SIAE: variants seen among roughly 807,000 people sequenced by gnomAD.
SIAE encodes sialate O-acetylesterase.
SIAE carries 39 observed loss-of-function variants against 52.6 expected under a neutral mutation model. The observed-to-expected ratio is 0.74, with a 90% confidence interval of 0.57 to 0.97. The LOEUF is 0.97. SIAE is among the 50% of genes least tolerant of loss of function. The pLI is 0.00. For synonymous variants in SIAE, 233 were observed against 241.4 expected (o/e 0.97, Z 0.32); for missense variants, 592 against 662.1 (o/e 0.89, Z 1.16).
At chr11:124,675,521 G>C, upstream of SIAE, 5 of 1,258,640 alleles carry the variant, frequency 4.0e-6, no homozygotes, top group Non-Finnish European at 5.5e-6. Flanking sequence ...AGCCTTTTAT[G>C]AGGCAGGGAG....
chr11:124,655,597 C>T (rs1943086963), intron 3 of SIAE, among the ~76,000 whole-genome samples: 1 of 152,170 alleles, frequency 6.6e-6, no homozygotes, highest in Admixed American at 6.5e-5. Flanking sequence ...ACAGCTCAGA[C>T]ATGACTGTTG....
At chr11:124,639,932 G>A (rs1206944987) in intron 7 of SIAE, 65 bp from the exon 8 acceptor site, 32 of 1,558,310 alleles carry the variant, frequency 2.1e-5, no homozygotes, top group Admixed American at 5.0e-5. Context: ...TTTTTCACTG[G>A]CAGACTCTGC....
rs1942695633 is a variant in SIAE at position 124,635,096 on chromosome 11, G to A, written c.*1855C>T. On this transcript the variant is annotated 3_prime_UTR_variant, in exon 10 of 10. Transcript: ENST00000263593. The stretch of plus-strand genomic sequence containing the variant: ...CTATGTACTCTAGGTTCCTGGAGGT[G>A]AAAGGAATCTGGACTTAGAGTTCTT... 1 of 152,216 alleles carries A rather than the reference G, an allele frequency of 6.6e-6. No homozygotes were observed. The allele number at this position is 152,216 out of a possible 1,614,324, so 9.4% of individuals were successfully genotyped here. A position where few individuals can be genotyped will look rare whatever the true frequency, so the allele number is the denominator to read the frequency against.
At chr11:124,643,024 G>T (rs1942873451) in intron 7 of SIAE, among the ~76,000 whole-genome samples, 5 of 152,164 alleles carry the variant, frequency 3.3e-5, no homozygotes, top group Non-Finnish European at 7.3e-5. Flanking sequence ...ACCCTCAGCA[G>T]AAGATCCAGC....
At chr11:124,659,847 CTA>C (rs1943160391) in intron 3 of SIAE, 1 of 151,942 alleles carries the variant, frequency 6.6e-6, no homozygotes, top group South Asian at 2.1e-4. Flanking sequence ...ATAGAAAAAA[CTA>C]AGAAACAGAA....
rs75540451 is a variant in SIAE, at chr11:124,668,700, G to A, written c.229+660C>T. Among the ~76,000 whole-genome samples, 1,067 of 152,238 alleles carry A rather than the reference G, an allele frequency of 7.0e-3. 4 individuals are homozygous for A. The highest frequency in any genetic ancestry group is 0.012 in the Non-Finnish European group (814 of 68,012). On this transcript the variant is annotated intron_variant, in intron 2 of 9. Transcript: ENST00000263593. ...ATTACATGTCCAAGATTATTCAGCC[G>A]TATAAATGACAGAATCAGGGCCTGA...
At position 124,654,533 on chromosome 11, in the gene SIAE, G is replaced by A. The variant is rs552691497; in HGVS notation, c.544+122C>T. 3.0e-5 allele frequency: 48 copies of A among 1,598,042 alleles called. No individual in the cohort carries two copies. In the South Asian group the frequency reaches 5.2e-4, roughly 17 times the overall value. ...ATCAGGAAGGATGAAGAGTCAATAA[G>A]AAAGGAATAAAAGGCATGAGTAATA... On this transcript the variant is annotated intron_variant, in intron 4 of 9. Transcript: ENST00000263593.
chr11:124,643,855 A>AT lies in SIAE; in HGVS notation c.966+3509dup, dbSNP rs143408463. On this transcript the variant is annotated intron_variant, in intron 7 of 9. Transcript: ENST00000263593. The stretch of plus-strand genomic sequence containing the variant: ...GGAAGCAGTCTGGGCCAGCAACAAC[A>AT]TTTTTTTTTGACTCCATTTCAAAAT... Among the ~76,000 whole-genome samples, 111 of 151,052 alleles carry AT rather than the reference A, an allele frequency of 7.3e-4. No homozygotes were observed. In the East Asian group the frequency reaches 7.8e-3, roughly 11 times the overall value.
At chr11:124,668,764 G>C (rs187506470) in intron 2 of SIAE, among the ~76,000 whole-genome samples, 2 of 152,300 alleles carry the variant, frequency 1.3e-5, no homozygotes, top group East Asian at 3.9e-4. Context: ...CCAATATGAA[G>C]TCTTACATTC....
chr11:124,636,834 C>G lies in SIAE; in HGVS notation c.*117G>C. The G allele has an allele frequency of 7.0e-7, 1 of 1,430,674 alleles. No homozygotes were observed. Among genetic ancestry groups the G allele is most frequent in the South Asian group, 1.2e-5 (1 of 86,258 alleles). The allele number at this position is 1,430,674 out of a possible 1,614,324, so 88.6% of individuals were successfully genotyped here. A position where few individuals can be genotyped will look rare whatever the true frequency, so the allele number is the denominator to read the frequency against. On this transcript the variant is annotated 3_prime_UTR_variant, in exon 10 of 10. Transcript: ENST00000263593. ...AAACAGCCATGTGCTAGCTGAAAGC[C>G]ATTCAATGAGGCTTTCTATTAATTT...
intron 5 of SIAE, 128 bp downstream of exon 5, chr11:124,649,491 T>C: frequency 1.9e-6 from 2 of 1,028,282 alleles, no homozygotes; most frequent in Non-Finnish European, 3.0e-6. Context: ...TCTACATGAA[T>C]AAATTACATA....
chr11:124,668,361 A>G (rs1228730180), intron 2 of SIAE, among the ~76,000 whole-genome samples: 11 of 152,204 alleles, frequency 7.2e-5, no homozygotes, highest in Admixed American at 5.9e-4. Context: ...ACACTTAACG[A>G]TAACTGCTTA....
At chr11:124,675,253 C>T (rs1472950027), upstream of SIAE, 1 of 1,610,396 alleles carries the variant, frequency 6.2e-7, no homozygotes, top group Admixed American at 1.7e-5. Flanking sequence ...ATAGGCAGTT[C>T]TTACCAAGAA....
At chr11:124,672,368 G>A (rs1452681248) in intron 1 of SIAE, among the ~76,000 whole-genome samples, 1 of 152,188 alleles carries the variant, frequency 6.6e-6, no homozygotes, top group African/African-American at 2.4e-5. Flanking sequence ...CAATGTTCTA[G>A]TTCTTAAGTT....
In SIAE at chr11:124,635,640, C is replaced by A. The variant is rs891958909; in HGVS notation, c.*1311G>T. 3 of 152,118 alleles carry A rather than the reference C, an allele frequency of 2.0e-5. No homozygotes were observed. The highest frequency in any genetic ancestry group is 2.1e-4 in the South Asian group (1 of 4,824). 9.4% of individuals were successfully genotyped at this position (152,118 alleles called of 1,614,324 possible). A position where few individuals can be genotyped will look rare whatever the true frequency, so the allele number is the denominator to read the frequency against. ...TATCTAAACCATATTTTTTACACTA[C>A]GTAAAATACATTGTATATGTACAGT... is the stretch of plus-strand genomic sequence containing the variant. On this transcript the variant is annotated 3_prime_UTR_variant, in exon 10 of 10. Coordinates refer to ENST00000263593, the MANE Select transcript of SIAE (RefSeq NM_170601.5).
intron 7 of SIAE, among the ~76,000 whole-genome samples, chr11:124,642,793 T>C (rs530999362): frequency 2.6e-5 from 4 of 152,190 alleles, no homozygotes; most frequent in African/African-American, 7.2e-5. Flanking sequence ...TGACTTCACA[T>C]TGATCAAAAG....
Position 124,654,234 on chromosome 11 carries a change from G to A in SIAE, c.544+421C>T, listed in dbSNP as rs902408315. 5.1e-6 allele frequency: 5 copies of A among 985,220 alleles called. No individual in the cohort carries two copies. In the Admixed American group the frequency reaches 2.5e-4, roughly 49 times the overall value. The allele number at this position is 985,220 out of a possible 1,614,324, so 61.0% of individuals were successfully genotyped here. A position where few individuals can be genotyped will look rare whatever the true frequency, so the allele number is the denominator to read the frequency against. ...GAGCTCATGCTGAATGGACTGAGGG[G>A]AAAACCACAGTGCCTAAGGGATTAA... On this transcript the variant is annotated intron_variant, in intron 4 of 9. Transcript: ENST00000263593.
At chr11:124,663,749 T>C (rs369258036) in intron 2 of SIAE, among the ~76,000 whole-genome samples, 3 of 152,126 alleles carry the variant, frequency 2.0e-5, no homozygotes, top group South Asian at 2.1e-4. Flanking sequence ...TCAGGACTGG[T>C]TGGTTGAAAT....
At chr11:124,642,073 G>C (rs946064505) in intron 7 of SIAE, among the ~76,000 whole-genome samples, 3 of 151,762 alleles carry the variant, frequency 2.0e-5, no homozygotes, top group Non-Finnish European at 2.9e-5. Flanking sequence ...CTAATCTACA[G>C]AGATAGTAGT....
Sources: allele counts gnomAD v4.1 joint callset (sites outside exome capture counted in the v4.1 genomes callset), GRCh38; gene constraint gnomAD v4.1.1; transcripts MANE v1.5; gene names NCBI Gene and HGNC (gene_info 2026-07-23, HGNC 2026-07-21).